UNC45A: variants seen among roughly 807,000 people sequenced by gnomAD.
The protein encoded by UNC45A is unc-45 myosin chaperone A.
In UNC45A, 78 loss-of-function variants were observed where a neutral mutation model predicts 103.2. The observed-to-expected ratio is 0.76, with a 90% CI of 0.63 to 0.91. The LOEUF (loss-of-function observed/expected upper bound fraction) is 0.91, where lower values mean the gene tolerates loss of function less well. UNC45A is among the 40% of genes least tolerant of loss of function. UNC45A has a pLI of 0.00. For synonymous variants in UNC45A, 495 were observed against 504.6 expected, an observed-to-expected ratio of 0.98 and a Z score of 0.25; for missense variants, 1,193 against 1,224.8, an observed-to-expected ratio of 0.97 and a Z score of 0.39.
chr15:90,932,386 C>G, upstream of UNC45A: 1 of 1,217,310 alleles, frequency 8.2e-7, no homozygotes, highest in Non-Finnish European at 1.1e-6. Flanking sequence ...CAGTCCCCAC[C>G]ACCCAGGTGC....
In UNC45A at chr15:90,942,604, G is replaced by A; in HGVS notation, c.855G>A (p.Val285=). 1 of 1,614,226 alleles carries A rather than the reference G, an allele frequency of 6.2e-7. No individual in the cohort carries two copies. The highest frequency in any genetic ancestry group is 8.5e-7 in the Non-Finnish European group (1 of 1,180,046). ...GFRGKEGAII[V]DPARELKVLI... ...GAGGCAAAGAAGGTGCCATCATTGT[G>A]GGTGAGTGGAAGCAGGTCTGGGGTC... The change falls in exon 7 of 20, where the codon GTG becomes GTA. Residue 285 remains valine, a splice_region_variant and synonymous_variant. Coordinates refer to ENST00000418476, the MANE Select transcript of UNC45A (RefSeq NM_018671.5).
chr15:90,948,280 C>A lies in UNC45A; in HGVS notation c.1734C>A (p.Ser578Arg), dbSNP rs777372380. ...CTCTGAAAGCTCTGTTCCAGCTCAG[C>A]AGGGTAGCTCTGTGGTTCCTGCCGT... ...AAALKALFQL[S>R]RLEERSVLFA... The change falls in exon 12 of 20, where the codon AGC becomes AGA. Residue 578 changes from serine (S) to arginine (R), a missense_variant. By Grantham distance (110) the Ser-to-Arg change is moderately radical. Transcript: ENST00000418476. 6.2e-7 allele frequency: 1 copy of A among 1,613,628 alleles called. No individual in the cohort carries two copies. Among genetic ancestry groups the A allele is most frequent in the South Asian group, 1.1e-5 (1 of 91,084 alleles).
At chr15:90,931,712 G>A (rs771591823), upstream of UNC45A, 2 of 1,614,084 alleles carry the variant, frequency 1.2e-6, no homozygotes, top group African/African-American at 1.3e-5. Context: ...ACCCTCTGGG[G>A]TGCAGCGATT....
At chr15:90,933,478 ATACTC>A (rs999084331), upstream of UNC45A, 16 of 152,148 alleles carry the variant, frequency 1.1e-4, no homozygotes, top group African/African-American at 3.1e-4. Flanking sequence ...TTAGCTAAGT[ATACTC>A]TAATCAGACA....
intron 5 of UNC45A, 48 bp downstream of exon 5, chr15:90,939,871 C>A: frequency 1.3e-6 from 2 of 1,484,486 alleles, no homozygotes; most frequent in Non-Finnish European, 1.8e-6. Context: ...CTAGAGCCAC[C>A]CATCCATAGG....
chr15:90,931,912 T>A, upstream of UNC45A: 2 of 1,614,008 alleles, frequency 1.2e-6, no homozygotes, highest in Non-Finnish European at 1.7e-6. Flanking sequence ...GGGTGGTGTC[T>A]GTGTCCTCCA....
In UNC45A at chr15:90,947,815, C is replaced by T. The variant is rs551625713; in HGVS notation, c.1520C>T (p.Ser507Leu). 8.7e-6 allele frequency: 14 copies of T among 1,613,968 alleles called. No individual in the cohort carries two copies. Among genetic ancestry groups the T allele is most frequent in the East Asian group, 4.5e-5 (2 of 44,900 alleles). ...CTCCAGGGACTCTGTAAGCTCGGTT[C>T]GGCTGGAGGGACTGACTTCAGCATG... is the stretch of plus-strand genomic sequence containing the variant. ...RALVGLCKLG[S>L]AGGTDFSMKQ... Residue 507 changes from serine (S) to leucine (L), a missense_variant, in exon 11 of 20, where the codon TCG (serine) becomes TTG (leucine). Physicochemically the swap from Ser to Leu is moderately radical, Grantham distance 145. Transcript: ENST00000418476.
intron 8 of UNC45A, among the ~76,000 whole-genome samples, chr15:90,944,373 C>T (rs541148510): frequency 2.1e-4 from 31 of 150,918 alleles, no homozygotes; most frequent in Non-Finnish European, 3.5e-4. Flanking sequence ...GGCAACAGGG[C>T]GACTCTGTCT....
At chr15:90,952,871 G>A (rs2036994962) in intron 17 of UNC45A, 58 bp from the exon 18 acceptor site, 3 of 1,512,572 alleles carry the variant, frequency 2.0e-6, no homozygotes, top group East Asian at 2.3e-5. Flanking sequence ...TCAACATGAG[G>A]GTTAGAAGGG....
chr15:90,932,919 A>G, upstream of UNC45A: 1 of 196,602 alleles, frequency 5.1e-6, no homozygotes, highest in East Asian at 1.1e-4. Context: ...AACAATCCCC[A>G]CACCCTCAGA....
Position 90,946,920 on chromosome 15 carries a change from A to T in UNC45A, c.1500+6A>T. 1 of 1,260,324 alleles carries T rather than the reference A, an allele frequency of 7.9e-7. No homozygotes were observed. Among genetic ancestry groups the T allele is most frequent in the Non-Finnish European group, 1.1e-6 (1 of 907,184 alleles). 78.1% of individuals were successfully genotyped at this position (1,260,324 alleles called of 1,614,324 possible). ...TCCGCATCCGGGCGCTAGTGGTGAGACGGTGGGCCTGGGGTGGGTGGGCAG... is the reference window on the plus strand; with the variant it reads ...TCCGCATCCGGGCGCTAGTGGTGAGTCGGTGGGCCTGGGGTGGGTGGGCAG... On this transcript the variant is annotated splice_donor_region_variant and intron_variant, in intron 10 of 19. Coordinates refer to ENST00000418476, the MANE Select transcript of UNC45A (RefSeq NM_018671.5).
intron 17 of UNC45A, among the ~76,000 whole-genome samples, chr15:90,951,154 C>T (rs1387701953): frequency 2.0e-5 from 3 of 152,154 alleles, no homozygotes; most frequent in Non-Finnish European, 4.4e-5. Flanking sequence ...ATTATAGGCA[C>T]GTGCTACCGC....
chr15:90,932,573 G>A, upstream of UNC45A: 3 of 1,202,138 alleles, frequency 2.5e-6, no homozygotes, highest in Non-Finnish European at 3.1e-6. Context: ...GCGGCCGCAG[G>A]GGCAGGGACG....
intron 8 of UNC45A, among the ~76,000 whole-genome samples, chr15:90,943,606 G>A (rs1487935498): frequency 6.6e-6 from 1 of 151,998 alleles, no homozygotes; most frequent in Non-Finnish European, 1.5e-5. Flanking sequence ...CTCAAAGTTA[G>A]ACTCTTCTAT....
At chr15:90,939,294 A>T (rs74683759) in intron 4 of UNC45A, among the ~76,000 whole-genome samples, 8,712 of 152,234 alleles carry the variant, frequency 0.057, 369 homozygotes, top group South Asian at 0.15. Context: ...ATTATTTTTA[A>T]AACAGTGAAA....
At chr15:90,938,567 G>C (rs1462982212) in intron 4 of UNC45A, among the ~76,000 whole-genome samples, 1 of 152,126 alleles carries the variant, frequency 6.6e-6, no homozygotes, top group East Asian at 1.9e-4. Flanking sequence ...ATGCAAGAGA[G>C]GAAGGCGGGT....
chr15:90,935,254 T>G (rs918872783), upstream of UNC45A: 6 of 1,451,498 alleles, frequency 4.1e-6, no homozygotes, highest in African/African-American at 7.0e-5. Flanking sequence ...CAGCTGCCGG[T>G]GGCGTCCCGA....
chr15:90,937,607 C>T (rs2036086162), intron 4 of UNC45A, among the ~76,000 whole-genome samples: 2 of 151,454 alleles, frequency 1.3e-5, no homozygotes, highest in Non-Finnish European at 2.9e-5. Flanking sequence ...CTGCCTCAGT[C>T]CCCCAGGTAG....
chr15:90,939,835 G>C lies in UNC45A; in HGVS notation c.519+12G>C. The stretch of plus-strand genomic sequence containing the variant: ...AGAAAAAGCAAAAGGTATAGGCCCT[G>C]GGCTGAGTCAGTGAGTGAGCTCCCA... On this transcript the variant is annotated intron_variant, in intron 5 of 19. Transcript: ENST00000418476. The C allele has an allele frequency of 6.2e-7, 1 of 1,613,160 alleles. No individual in the cohort carries two copies. The highest frequency in any genetic ancestry group is 8.5e-7 in the Non-Finnish European group (1 of 1,179,676).
Sources: allele counts gnomAD v4.1 joint callset (sites outside exome capture counted in the v4.1 genomes callset), GRCh38; gene constraint gnomAD v4.1.1; transcripts MANE v1.5; gene names NCBI Gene and HGNC (gene_info 2026-07-23, HGNC 2026-07-21).